Variants in GALNTL6 observed in about 807,000 individuals in gnomAD.
GALNTL6 encodes polypeptide N-acetylgalactosaminyltransferase like 6.
GALNTL6 carries 46 observed loss-of-function variants against 73.7 expected under a neutral mutation model. The ratio of observed to expected loss-of-function variants is 0.62; its 90% CI spans 0.49 to 0.80. GALNTL6 has a LOEUF of 0.80. Among genes scored for constraint, GALNTL6 ranks in the 30% least tolerant of loss-of-function variants. GALNTL6 has a pLI of 0.00. For missense variants in GALNTL6, 604 were observed against 755.0 expected, an observed-to-expected ratio of 0.80 and a Z score of 2.34; for synonymous variants, 259 against 263.7, an observed-to-expected ratio of 0.98 and a Z score of 0.17.
At chr4:171,880,879 T>C (rs1261137864) in intron 2 of GALNTL6, among the ~76,000 whole-genome samples, 7 of 152,188 alleles carry the variant, frequency 4.6e-5, no homozygotes, top group African/African-American at 1.4e-4. Flanking sequence ...TATTACAATA[T>C]ATTTTTAAGT....
intron 10 of GALNTL6, among the ~76,000 whole-genome samples, chr4:172,965,014 G>A (rs1427548480): frequency 6.6e-6 from 1 of 152,222 alleles, no homozygotes; most frequent in African/African-American, 2.4e-5. Context: ...TGCCCTTTAA[G>A]TGCTATATCT....
intron 12 of GALNTL6, among the ~76,000 whole-genome samples, chr4:173,026,856 C>T (rs999685455): frequency 2.6e-5 from 4 of 151,950 alleles, no homozygotes; most frequent in Admixed American, 6.6e-5. Context: ...ATTTATGATT[C>T]GTGGGTTTTG....
chr4:172,035,637 C>A (rs774459863), intron 2 of GALNTL6, among the ~76,000 whole-genome samples: 4 of 152,156 alleles, frequency 2.6e-5, no homozygotes, highest in Middle Eastern at 6.8e-3. Context: ...TTGAGCACTC[C>A]CAGCAGATGA....
At chr4:172,308,454 GT>G in intron 3 of GALNTL6, among the ~76,000 whole-genome samples, 1 of 151,968 alleles carries the variant, frequency 6.6e-6, no homozygotes, top group East Asian at 1.9e-4. Context: ...TCAATATAAT[GT>G]TGCTTGTGGG....
At chr4:172,484,502 G>A (rs1035839234) in intron 5 of GALNTL6, among the ~76,000 whole-genome samples, 2 of 151,104 alleles carry the variant, frequency 1.3e-5, no homozygotes, top group South Asian at 4.1e-4. Context: ...GACTGAAAGC[G>A]CTGGTTGGAA....
intron 2 of GALNTL6, among the ~76,000 whole-genome samples, chr4:171,965,376 G>A (rs1237765532): frequency 6.6e-6 from 1 of 152,168 alleles, no homozygotes. Context: ...GTCAATGGGG[G>A]CTGGGGGCAG....
intron 8 of GALNTL6, among the ~76,000 whole-genome samples, chr4:172,900,585 G>A (rs1746576392): frequency 6.6e-6 from 1 of 152,126 alleles, no homozygotes; most frequent in African/African-American, 2.4e-5. Context: ...ATTGCACCTT[G>A]AACTGGAAGA....
At chr4:172,546,798 G>A (rs111474635) in intron 5 of GALNTL6, among the ~76,000 whole-genome samples, 162 of 15,428 alleles carry the variant, frequency 0.011, 3 homozygotes, top group African/African-American at 0.038. Context: ...ATATATATAC[G>A]TATATATACG....
chr4:172,993,468 G>C (rs1751631067), intron 10 of GALNTL6, among the ~76,000 whole-genome samples: 1 of 152,206 alleles, frequency 6.6e-6, no homozygotes, highest in Admixed American at 6.5e-5. Context: ...CAGTTACAGA[G>C]GTGATTAAGG....
chr4:172,417,681 T>C (rs963613996), intron 5 of GALNTL6, among the ~76,000 whole-genome samples: 11 of 152,202 alleles, frequency 7.2e-5, no homozygotes, highest in Admixed American at 6.6e-4. Flanking sequence ...AAATTTAAAT[T>C]GAAAAAGATA....
At chr4:172,408,638 C>T (rs930228466) in intron 5 of GALNTL6, among the ~76,000 whole-genome samples, 5 of 151,674 alleles carry the variant, frequency 3.3e-5, no homozygotes, top group Non-Finnish European at 5.9e-5. Context: ...ATTGCTGAAC[C>T]CAAAACCATA....
chr4:172,366,773 A>G (rs1282930904), intron 5 of GALNTL6, among the ~76,000 whole-genome samples: 1 of 152,186 alleles, frequency 6.6e-6, no homozygotes, highest in African/African-American at 2.4e-5. Context: ...TTACACTCAG[A>G]TATCACTGAG....
chr4:172,783,054 C>T (rs1739457553), intron 5 of GALNTL6, among the ~76,000 whole-genome samples: 1 of 151,728 alleles, frequency 6.6e-6, no homozygotes, highest in Admixed American at 6.6e-5. Flanking sequence ...TCATTTCAAA[C>T]GTTTCAAGTT....
intron 2 of GALNTL6, among the ~76,000 whole-genome samples, chr4:171,970,848 A>T (rs1397943816): frequency 2.6e-5 from 4 of 152,236 alleles, no homozygotes; most frequent in Admixed American, 6.5e-5. Context: ...AACTTATTTT[A>T]AAAAAAGTTT....
intron 2 of GALNTL6, among the ~76,000 whole-genome samples, chr4:171,871,136 G>A (rs996158432): frequency 6.6e-6 from 1 of 152,064 alleles, no homozygotes; most frequent in African/African-American, 2.4e-5. Flanking sequence ...AAATACAGTA[G>A]TCCCTTCTTA....
chr4:172,219,218 T>TATATATATATATAG (rs1270416017), intron 2 of GALNTL6, among the ~76,000 whole-genome samples: 1 of 147,060 alleles, frequency 6.8e-6, no homozygotes, highest in South Asian at 2.1e-4. Flanking sequence ...TATATATATA[T>TATATATATATATAG]ATATAATCCT....
chr4:172,719,752 C>A (rs971688500), intron 5 of GALNTL6, among the ~76,000 whole-genome samples: 7 of 151,900 alleles, frequency 4.6e-5, no homozygotes, highest in Non-Finnish European at 8.8e-5. Flanking sequence ...GAATTAAGGG[C>A]GAGTCTACAA....
intron 5 of GALNTL6, among the ~76,000 whole-genome samples, chr4:172,589,622 G>C (rs1737556456): frequency 6.6e-6 from 1 of 152,214 alleles, no homozygotes; most frequent in Admixed American, 6.5e-5. Context: ...AAATGTAACT[G>C]TTTATTCTTG....
At chr4:172,810,070 G>A (rs1476437119) in intron 6 of GALNTL6, among the ~76,000 whole-genome samples, 1 of 152,026 alleles carries the variant, frequency 6.6e-6, no homozygotes, top group African/African-American at 2.4e-5. Context: ...TTTCTTTTCT[G>A]TTATTCTCTC....
Sources: allele counts gnomAD v4.1 joint callset (sites outside exome capture counted in the v4.1 genomes callset), GRCh38; gene constraint gnomAD v4.1.1; transcripts MANE v1.5; gene names NCBI Gene and HGNC (gene_info 2026-07-23, HGNC 2026-07-21).